The following ZNF808 variants were observed in gnomAD, a reference collection of about 807,000 sequenced individuals.
The protein encoded by ZNF808 is zinc finger protein 808.
Under a neutral mutation model 8.7 loss-of-function variants are expected in ZNF808, and 5 were observed. The observed-to-expected ratio is 0.58, with a 90% CI of 0.30 to 1.21. The LOEUF is 1.21. Among genes scored for constraint, ZNF808 ranks in the 50% most tolerant of loss-of-function variants. ZNF808 has a pLI of 0.07. For synonymous variants in ZNF808, 380 were observed against 366.0 expected, an observed-to-expected ratio of 1.04 and a Z score of -0.44; for missense variants, 1,103 against 1,098.4, an observed-to-expected ratio of 1.00 and a Z score of -0.06.
downstream of ZNF808, among the ~76,000 whole-genome samples, chr19:52,567,817 G>A (rs1329548473): frequency 6.6e-6 from 1 of 151,926 alleles, no homozygotes; most frequent in African/African-American, 2.4e-5. Flanking sequence ...GAGCCACCGC[G>A]CCCGGCCTGA....
chr19:52,527,741 T>A (rs2059522331), intron 1 of ZNF808, 30 bp downstream of exon 1: 1 of 152,898 alleles, frequency 6.5e-6, no homozygotes, highest in African/African-American at 2.4e-5. Flanking sequence ...GCATTAAGTC[T>A]CCGCTTCCCA....
Position 52,554,653 on chromosome 19 carries a change from A to G in ZNF808, c.1737A>G (p.Gln579=), listed in dbSNP as rs774378579. Residue 579 remains glutamine (Q), a synonymous_variant, in exon 5 of 5, where the codon CAA becomes CAG. Coordinates refer to ENST00000359798, the MANE Select transcript of ZNF808 (RefSeq NM_001039886.4). ...CNECGKAFNQ[Q]SHLSRHRRLH... ...AATGTGGGAAAGCTTTTAATCAACA[A>G]TCACATCTTTCACGTCATCGTAGAC... 8.7e-6 allele frequency: 14 copies of G among 1,613,902 alleles called. No homozygotes were observed. The South Asian group carries it at 1.1e-4, about 13-fold the overall frequency.
At chr19:52,566,105 T>G (rs1238371806), downstream of ZNF808, among the ~76,000 whole-genome samples, 1 of 152,204 alleles carries the variant, frequency 6.6e-6, no homozygotes, top group African/African-American at 2.4e-5. Flanking sequence ...AGGGAAATGC[T>G]TTACAACTTT....
At chr19:52,539,887 CAG>C (rs1170026965) in intron 2 of ZNF808, among the ~76,000 whole-genome samples, 59 of 152,004 alleles carry the variant, frequency 3.9e-4, no homozygotes, top group African/African-American at 1.4e-3. Flanking sequence ...TACTGTTTCC[CAG>C]GCTGGAGTGC....
intron 2 of ZNF808, among the ~76,000 whole-genome samples, chr19:52,537,939 C>T (rs950739902): frequency 1.3e-5 from 2 of 151,680 alleles, no homozygotes; most frequent in African/African-American, 4.9e-5. Flanking sequence ...TTGTGGGTCA[C>T]TCTTCCCTTT....
intron 4 of ZNF808, among the ~76,000 whole-genome samples, chr19:52,551,219 G>A (rs571721918): frequency 6.6e-6 from 1 of 152,202 alleles, no homozygotes; most frequent in East Asian, 1.9e-4. Flanking sequence ...GGGCGTTTTG[G>A]TATGCACCTG....
At chr19:52,546,168 C>CT (rs1234375920) in intron 3 of ZNF808, among the ~76,000 whole-genome samples, 3 of 149,966 alleles carry the variant, frequency 2.0e-5, no homozygotes, top group African/African-American at 7.4e-5. Flanking sequence ...TTAGTCATGG[C>CT]TATTGCTGTC....
At position 52,547,578 on chromosome 19, in the gene ZNF808, G is replaced by T. The variant is rs772471269; in HGVS notation, c.130G>T (p.Ala44Ser). The stretch of plus-strand genomic sequence containing the variant: ...GGCAGAGTGGAAATTCCTGAACCCT[G>T]CACAGAGGGCTTTGTACAGGGAAGT... ...SLAEWKFLNP[A>S]QRALYREVML... is the part of the protein sequence containing the mutation. The change falls in exon 4 of 5, where the codon GCA becomes TCA. Residue 44 changes from alanine (A) to serine (S), a missense_variant. Physicochemically the swap from Ala to Ser is moderately conservative, Grantham distance 99. Coordinates refer to ENST00000359798, the MANE Select transcript of ZNF808 (RefSeq NM_001039886.4). 1.4e-5 allele frequency: 22 copies of T among 1,614,046 alleles called. No individual in the cohort carries two copies. The highest frequency in any genetic ancestry group is 1.7e-5 in the Admixed American group (1 of 59,992).
intron 2 of ZNF808, among the ~76,000 whole-genome samples, chr19:52,538,919 G>T (rs951270979): frequency 6.6e-6 from 1 of 152,072 alleles, no homozygotes; most frequent in Non-Finnish European, 1.5e-5. Context: ...CCAAACTCCT[G>T]TGTCTAAGTG....
At chr19:52,568,674 C>A (rs1225962087), downstream of ZNF808, among the ~76,000 whole-genome samples, 1 of 152,122 alleles carries the variant, frequency 6.6e-6, no homozygotes, top group African/African-American at 2.4e-5. Context: ...GGAACGCTGA[C>A]CCCATTCATT....
chr19:52,555,196 G>A lies in ZNF808; in HGVS notation c.2280G>A (p.Glu760=), dbSNP rs2059823412. The change falls in exon 5 of 5, where the codon GAG becomes GAA. Residue 760 remains glutamate, a synonymous_variant. Coordinates refer to ENST00000359798, the MANE Select transcript of ZNF808 (RefSeq NM_001039886.4). Reference sequence around the variant, plus strand: ...GCCATCGTAGACTTCATAGTGGTGAGAAACCTTACAAGTGTAACGACTGTG... The same window carrying A: ...GCCATCGTAGACTTCATAGTGGTGAAAAACCTTACAAGTGTAACGACTGTG... ...LLCHRRLHSG[E]KPYKCNDCGN... is the part of the protein sequence containing the mutation. 7 of 1,613,812 alleles carry A rather than the reference G, an allele frequency of 4.3e-6. No homozygotes were observed. Among genetic ancestry groups the A allele is most frequent in the Non-Finnish European group, 5.1e-6 (6 of 1,179,934 alleles).
At position 52,553,531 on chromosome 19, in the gene ZNF808, T is replaced by G. The variant is rs1298713124; in HGVS notation, c.615T>G (p.Ser205=). 12 of 1,614,106 alleles carry G rather than the reference T, an allele frequency of 7.4e-6. No individual in the cohort carries two copies. In the Admixed American group the frequency reaches 1.5e-4, roughly 20 times the overall value. ...RISCRPQIHI[S]NNYGNNPLNS... is the part of the protein sequence containing the mutation. ...CCTGTAGGCCCCAAATCCATATTTC[T>G]AATAACTATGGGAATAATCCCCTGA... is the stretch of plus-strand genomic sequence containing the variant. The change falls in exon 5 of 5, where the codon TCT becomes TCG. Residue 205 remains serine (S), a synonymous_variant. Transcript: ENST00000359798.
downstream of ZNF808, among the ~76,000 whole-genome samples, chr19:52,557,085 C>T (rs2059840426): frequency 6.6e-6 from 1 of 152,038 alleles, no homozygotes; most frequent in Non-Finnish European, 1.5e-5. Context: ...ATTCTCCTGC[C>T]TCAGTCTCCT....
chr19:52,530,076 T>C (rs1197749345), intron 1 of ZNF808, among the ~76,000 whole-genome samples: 1 of 151,846 alleles, frequency 6.6e-6, no homozygotes, highest in Non-Finnish European at 1.5e-5. Flanking sequence ...CCCCTTTTTT[T>C]TGAGAGGGAG....
In ZNF808 at chr19:52,556,069, C is replaced by G. The variant is rs1199006952; in HGVS notation, c.*441C>G. ...CAATGCAGTGAGTATAGCAAACCAT[C>G]AAGCATTAATTGACATTGGAGTCAA... is the stretch of plus-strand genomic sequence containing the variant. On this transcript the variant is annotated 3_prime_UTR_variant, in exon 5 of 5. Coordinates refer to ENST00000359798, the MANE Select transcript of ZNF808 (RefSeq NM_001039886.4). The G allele has an allele frequency of 1.3e-5, 6 of 456,550 alleles. No individual in the cohort carries two copies. In the East Asian group the frequency reaches 2.9e-4, roughly 22 times the overall value. The allele number at this position is 456,550 out of a possible 1,614,324, so 28.3% of individuals were successfully genotyped here.
downstream of ZNF808, among the ~76,000 whole-genome samples, chr19:52,560,033 G>C (rs978585087): frequency 2.0e-5 from 3 of 152,164 alleles, no homozygotes; most frequent in Non-Finnish European, 2.9e-5. Flanking sequence ...CTATCACAAT[G>C]ATGAGTTATT....
intron 2 of ZNF808, among the ~76,000 whole-genome samples, chr19:52,537,459 G>A (rs567678216): frequency 6.6e-6 from 1 of 152,194 alleles, no homozygotes; most frequent in Non-Finnish European, 1.5e-5. Context: ...GACTGAGGCA[G>A]AGGGATTGCT....
At position 52,553,176 on chromosome 19, in the gene ZNF808, C is replaced by T. The variant is rs1230716066; in HGVS notation, c.260C>T (p.Thr87Ile). Reference protein sequence around the residue: ...TGQGNREVIHTGTLQRHQSYH... With the variant: ...TGQGNREVIHIGTLQRHQSYH... ...CAAGGCAATAGAGAAGTGATCCACA[C>T]AGGGACATTGCAAAGACATCAAAGT... Residue 87 changes from threonine (T) to isoleucine (I), a missense_variant, in exon 5 of 5, where the codon ACA becomes ATA. Transcript: ENST00000359798. 6.2e-7 allele frequency: 1 copy of T among 1,612,284 alleles called. No homozygotes were observed. Among genetic ancestry groups the T allele is most frequent in the South Asian group, 1.1e-5 (1 of 90,698 alleles).
At chr19:52,562,537 A>T (rs570858714) in intron 3 of ZNF808, among the ~76,000 whole-genome samples, 1 of 152,288 alleles carries the variant, frequency 6.6e-6, no homozygotes, top group African/African-American at 2.4e-5. Flanking sequence ...CAATATGAAC[A>T]CTCAGACCAG....
Sources: gnomAD v4.1 joint callset for allele counts (sites outside exome capture counted in the v4.1 genomes callset) on GRCh38, gnomAD v4.1.1 for gene constraint, MANE v1.5 for transcripts, NCBI Gene and HGNC (gene_info 2026-07-23, HGNC 2026-07-21) for gene names.